VRTN: variants seen among roughly 807,000 people sequenced by gnomAD.
VRTN encodes the protein vertebrae development associated.
A neutral mutation model predicts 18.2 loss-of-function variants in VRTN; 5 were observed. That is an observed-to-expected ratio of 0.27 (90% CI 0.14 to 0.58). The LOEUF (loss-of-function observed/expected upper bound fraction) is 0.58. Among genes scored for constraint, VRTN ranks in the 20% least tolerant of loss-of-function variants. The pLI, the probability that VRTN is intolerant of heterozygous loss-of-function variation, is 0.91. For missense variants in VRTN, 741 were observed against 939.4 expected, an observed-to-expected ratio of 0.79 and a Z score of 2.76; for synonymous variants, 381 against 393.7, an observed-to-expected ratio of 0.97 and a Z score of 0.38.
intron 1 of VRTN, among the ~76,000 whole-genome samples, chr14:74,313,210 G>A (rs551160038): frequency 2.0e-5 from 3 of 152,190 alleles, no homozygotes; most frequent in African/African-American, 7.2e-5. Context: ...AGCTTGCCTA[G>A]TCAACCTCCA....
intron 1 of VRTN, among the ~76,000 whole-genome samples, chr14:74,330,491 G>T (rs1344805854): frequency 6.6e-6 from 1 of 150,670 alleles, no homozygotes; most frequent in Non-Finnish European, 1.5e-5. Context: ...GCCCAGGCTG[G>T]AGTGCAATGG....
intron 1 of VRTN, among the ~76,000 whole-genome samples, chr14:74,336,335 A>C (rs909429912): frequency 6.6e-6 from 1 of 151,952 alleles, no homozygotes; most frequent in Non-Finnish European, 1.5e-5. Flanking sequence ...TGAACCTGGG[A>C]GGCGGAGGTT....
intron 1 of VRTN, among the ~76,000 whole-genome samples, chr14:74,336,146 C>T (rs370929513): frequency 6.6e-6 from 1 of 151,778 alleles, no homozygotes; most frequent in East Asian, 2.0e-4. Flanking sequence ...CGGTGGCTCA[C>T]GCCTGTAATC....
chr14:74,356,539 A>G (rs1413791417), intron 1 of VRTN, among the ~76,000 whole-genome samples: 1 of 152,242 alleles, frequency 6.6e-6, no homozygotes, highest in Non-Finnish European at 1.5e-5. Context: ...ACAGAAGCAT[A>G]GAGAGGTTAA....
At chr14:74,340,373 A>G (rs536441304) in intron 2 of VRTN, among the ~76,000 whole-genome samples, 4 of 151,934 alleles carry the variant, frequency 2.6e-5, no homozygotes, top group African/African-American at 4.8e-5. Flanking sequence ...CGGCCTCCCA[A>G]AGTGCTGGGA....
At chr14:74,306,305 TGTA>T (rs987897910) in intron 1 of VRTN, among the ~76,000 whole-genome samples, 5 of 150,770 alleles carry the variant, frequency 3.3e-5, no homozygotes, top group African/African-American at 1.2e-4. Flanking sequence ...TAGCTGGGAC[TGTA>T]GGTGCTGGCA....
chr14:74,343,540 G>C (rs949096388), upstream of VRTN, among the ~76,000 whole-genome samples: 2 of 152,172 alleles, frequency 1.3e-5, no homozygotes, highest in African/African-American at 4.8e-5. Flanking sequence ...GCATGTACAG[G>C]CTTACCCACC....
At chr14:74,356,740 C>G (rs547691023) in intron 1 of VRTN, 43 bp from the exon 2 acceptor site, 1 of 1,529,698 alleles carries the variant, frequency 6.5e-7, no homozygotes, top group Admixed American at 2.1e-5. Context: ...ATCATCTGGG[C>G]ACTTCGACCT....
chr14:74,336,198 A>T (rs2085562819), intron 1 of VRTN, among the ~76,000 whole-genome samples: 1 of 151,664 alleles, frequency 6.6e-6, no homozygotes, highest in South Asian at 2.1e-4. Flanking sequence ...ACCTGAGGTC[A>T]GGAGTTTGAG....
intron 1 of VRTN, among the ~76,000 whole-genome samples, chr14:74,329,525 G>C (rs1704279625): frequency 6.6e-6 from 1 of 151,996 alleles, no homozygotes; most frequent in African/African-American, 2.4e-5. Flanking sequence ...GACCCACCTT[G>C]GGTCTACCAA....
At chr14:74,331,344 A>G (rs927358061) in intron 1 of VRTN, among the ~76,000 whole-genome samples, 1 of 151,382 alleles carries the variant, frequency 6.6e-6, no homozygotes, top group East Asian at 1.9e-4. Flanking sequence ...CCCAGCCAAC[A>G]TGGTGAAACT....
chr14:74,353,419 G>T (rs1477847474), intron 1 of VRTN, among the ~76,000 whole-genome samples: 2 of 152,198 alleles, frequency 1.3e-5, no homozygotes, highest in African/African-American at 2.4e-5. Context: ...AAGTATTAGT[G>T]TCAGGATTAG....
chr14:74,304,259 C>T (rs1218117500), intron 1 of VRTN, among the ~76,000 whole-genome samples: 1 of 151,902 alleles, frequency 6.6e-6, no homozygotes, highest in African/African-American at 2.4e-5. Context: ...CGGGTTCAAG[C>T]GATTCTCCTG....
chr14:74,307,160 T>TTTTC (rs774574033), intron 1 of VRTN, among the ~76,000 whole-genome samples: 1 of 146,316 alleles, frequency 6.8e-6, no homozygotes, highest in Non-Finnish European at 1.5e-5. Flanking sequence ...TTTTTTTTTT[T>TTTTC]GAGATGGAGT....
intron 1 of VRTN, among the ~76,000 whole-genome samples, chr14:74,331,544 TTATATATA>T (rs1169929236): frequency 0.013 from 562 of 43,428 alleles, 12 homozygotes; most frequent in African/African-American, 0.019. Context: ...AAAAAAAATT[TTATATATA>T]TATATATATA....
intron 1 of VRTN, among the ~76,000 whole-genome samples, chr14:74,318,331 C>A (rs951493055): frequency 2.0e-5 from 3 of 151,622 alleles, no homozygotes; most frequent in Admixed American, 6.6e-5. Flanking sequence ...AGCGCAATGG[C>A]GTGATCTCGG....
intron 1 of VRTN, among the ~76,000 whole-genome samples, chr14:74,323,492 G>A (rs1005667025): frequency 3.3e-5 from 5 of 151,836 alleles, no homozygotes; most frequent in African/African-American, 1.2e-4. Flanking sequence ...GCTGAGGCAG[G>A]AGAATCATTT....
At chr14:74,309,355 T>C (rs1411032243) in intron 1 of VRTN, among the ~76,000 whole-genome samples, 1 of 152,248 alleles carries the variant, frequency 6.6e-6, no homozygotes. Flanking sequence ...AGTAGCTATT[T>C]GTTTAACAAA....
chr14:74,317,739 T>G (rs1595163886), intron 1 of VRTN, among the ~76,000 whole-genome samples: 1 of 151,456 alleles, frequency 6.6e-6, no homozygotes, highest in South Asian at 2.1e-4. Context: ...GAGGTGGAGG[T>G]GGCAGTGAGC....
Sources: gnomAD v4.1 joint callset for allele counts (sites outside exome capture counted in the v4.1 genomes callset) on GRCh38, gnomAD v4.1.1 for gene constraint, MANE v1.5 for transcripts, NCBI Gene and HGNC (gene_info 2026-07-23, HGNC 2026-07-21) for gene names.